ST7L: variants seen among roughly 807,000 people sequenced by gnomAD.
ST7L encodes suppression of tumorigenicity 7 like.
A neutral mutation model predicts 72.5 loss-of-function variants in ST7L; 57 were observed. That is an observed-to-expected ratio of 0.79 (90% CI 0.64 to 0.98). ST7L has a LOEUF of 0.98. ST7L is among the 50% of genes least tolerant of loss of function. ST7L has a pLI of 0.00. For missense variants in ST7L, 576 were observed against 672.2 expected (o/e 0.86, Z 1.58); for synonymous variants, 221 against 240.9 (o/e 0.92, Z 0.77).
Position 112,533,809 on chromosome 1 carries a change from C to A in ST7L, c.1630-7698G>T, listed in dbSNP as rs74457567. ...TAGCTGAAACTACAGGGGTGCGCCA[C>A]CATGCCTGGCTAATTTGTTTTTATT... On this transcript the variant is annotated intron_variant, in intron 14 of 14. Transcript: ENST00000358039. Among the ~76,000 whole-genome samples, 247 of 152,226 alleles carry A rather than the reference C, an allele frequency of 1.6e-3. 9 individuals are homozygous for A. The East Asian group carries it at 0.044, about 27-fold the overall frequency.
chr1:112,549,337 G>A (rs947788927), intron 13 of ST7L, among the ~76,000 whole-genome samples: 1 of 152,124 alleles, frequency 6.6e-6, no homozygotes, highest in African/African-American at 2.4e-5. Context: ...AGGTTGTAGT[G>A]AGCTGAGATT....
At chr1:112,549,487 AT>A (rs1427854320) in intron 13 of ST7L, among the ~76,000 whole-genome samples, 16 of 152,094 alleles carry the variant, frequency 1.1e-4, no homozygotes, top group African/African-American at 3.6e-4. Context: ...TCTCAGCTAT[AT>A]TTTAGTGTAC....
chr1:112,579,476 CCTATTCATAGAGAAAA>C (rs536917761), intron 9 of ST7L, among the ~76,000 whole-genome samples: 369 of 150,664 alleles, frequency 2.4e-3, no homozygotes, highest in African/African-American at 8.3e-3. Flanking sequence ...AAAACCTTCA[CCTATTCATAGAGAAAA>C]ACTAATATTA....
At chr1:112,599,455 T>C (rs1295089897) in intron 4 of ST7L, among the ~76,000 whole-genome samples, 1 of 152,150 alleles carries the variant, frequency 6.6e-6, no homozygotes, top group Non-Finnish European at 1.5e-5. Flanking sequence ...TTAAATAACA[T>C]GCCCCATTCT....
intron 3 of ST7L, among the ~76,000 whole-genome samples, chr1:112,609,150 G>A (rs1668687888): frequency 6.6e-6 from 1 of 151,794 alleles, no homozygotes; most frequent in Admixed American, 6.6e-5. Flanking sequence ...AACATACTGA[G>A]ACCTCATCTC....
chr1:112,614,435 G>A (rs1438334336), intron 2 of ST7L, among the ~76,000 whole-genome samples: 1 of 152,034 alleles, frequency 6.6e-6, no homozygotes, highest in African/African-American at 2.4e-5. Context: ...GACTAAACAT[G>A]CTAAAATATG....
intron 11 of ST7L, chr1:112,571,406 T>A: frequency 2.4e-6 from 1 of 423,306 alleles, no homozygotes; most frequent in Non-Finnish European, 4.6e-6. Context: ...TATGTATATC[T>A]ATCTATCTAT....
intron 11 of ST7L, among the ~76,000 whole-genome samples, chr1:112,566,005 T>C (rs1489889606): frequency 1.4e-5 from 2 of 145,132 alleles, no homozygotes; most frequent in Non-Finnish European, 3.1e-5. Context: ...AACAAAACTC[T>C]GTCTCAAGAA....
intron 3 of ST7L, among the ~76,000 whole-genome samples, chr1:112,601,517 T>C (rs1348431955): frequency 6.6e-6 from 1 of 151,954 alleles, no homozygotes. Context: ...AATGCTGGGA[T>C]TACAGGTGTG....
chr1:112,579,245 G>A (rs780316680), intron 9 of ST7L, among the ~76,000 whole-genome samples: 2 of 151,578 alleles, frequency 1.3e-5, no homozygotes, highest in Non-Finnish European at 2.9e-5. Context: ...TTAGCCGGGT[G>A]TGATGGCAGG....
Position 112,530,638 on chromosome 1 carries a change from C to T in ST7L, c.1630-4527G>A, listed in dbSNP as rs557670025. On this transcript the variant is annotated intron_variant, in intron 14 of 14. Transcript: ENST00000358039. ...CCATGTTGGCCAGGCTGGTCTCAAA[C>T]TCCTGACCTCAGATGATCTACCCAC... is the stretch of plus-strand genomic sequence containing the variant. Among the ~76,000 whole-genome samples the T allele has an allele frequency of 3.3e-5, 5 of 152,258 alleles. No homozygotes were observed. The South Asian group carries it at 1.0e-3, about 32-fold the overall frequency.
downstream of ST7L, chr1:112,520,769 G>A: frequency 1.9e-6 from 1 of 529,062 alleles, no homozygotes; most frequent in Non-Finnish European, 3.4e-6. Context: ...AAGAGATAGG[G>A]GGTCTTTAGA....
intron 3 of ST7L, 147 bp downstream of exon 3, chr1:112,610,694 C>G: frequency 1.0e-6 from 1 of 976,676 alleles, no homozygotes; most frequent in Non-Finnish European, 1.5e-6. Context: ...AAAGACCCTA[C>G]CTCGTAACAT....
At chr1:112,587,209 G>C (rs1476770956) in intron 6 of ST7L, among the ~76,000 whole-genome samples, 1 of 152,080 alleles carries the variant, frequency 6.6e-6, no homozygotes, top group Non-Finnish European at 1.5e-5. Context: ...ATGAGGTAAG[G>C]GACCACCTTT....
chr1:112,602,083 C>CAAAAAAAAAAAAAAAAAA (rs71584754), intron 3 of ST7L, among the ~76,000 whole-genome samples: 3 of 89,084 alleles, frequency 3.4e-5, no homozygotes, highest in Non-Finnish European at 7.0e-5. Context: ...AAACTCCATC[C>CAAAAAAAAAAAAAAAAAA]AAAAAAAAAA....
At chr1:112,613,741 G>T (rs557488897) in intron 2 of ST7L, among the ~76,000 whole-genome samples, 1 of 151,976 alleles carries the variant, frequency 6.6e-6, no homozygotes, top group Admixed American at 6.6e-5. Flanking sequence ...TTGTTGTTTT[G>T]TTGTTGAGAC....
Position 112,567,362 on chromosome 1 carries a change from C to T in ST7L, c.1245+9624G>A, listed in dbSNP as rs79955353. Among the ~76,000 whole-genome samples the T allele has an allele frequency of 2.2e-3, 329 of 152,072 alleles. 7 individuals carry two copies. In the East Asian group the frequency reaches 0.034, roughly 16 times the overall value. ...TTTTTATATGTATATATTTTGGATA[C>T]GAGTCCTTTGTCAGATAAACATATT... On this transcript the variant is annotated intron_variant, in intron 11 of 14. Coordinates refer to ENST00000358039, the MANE Select transcript of ST7L (RefSeq NM_017744.5).
intron 13 of ST7L, among the ~76,000 whole-genome samples, chr1:112,549,610 A>G (rs369964380): frequency 2.6e-5 from 4 of 152,128 alleles, no homozygotes; most frequent in South Asian, 4.1e-4. Flanking sequence ...GTATATAGAT[A>G]TATAATTAAT....
At chr1:112,539,783 G>C in intron 14 of ST7L, 1 of 985,332 alleles carries the variant, frequency 1.0e-6, no homozygotes. Context: ...TGGTTTGCAG[G>C]AACTTTCAGT....
Sources: allele counts gnomAD v4.1 joint callset (sites outside exome capture counted in the v4.1 genomes callset), GRCh38; gene constraint gnomAD v4.1.1; transcripts MANE v1.5; gene names NCBI Gene and HGNC (gene_info 2026-07-23, HGNC 2026-07-21).